FGF14: variants seen among roughly 807,000 people sequenced by gnomAD.
The protein encoded by FGF14 is fibroblast growth factor homologous factor 4.
In FGF14, 5 loss-of-function variants were observed where a neutral mutation model predicts 25.5. That is an observed-to-expected ratio of 0.20 (90% CI 0.10 to 0.41). The LOEUF (loss-of-function observed/expected upper bound fraction) is 0.41. Among genes scored for constraint, FGF14 ranks in the 10% least tolerant of loss-of-function variants. FGF14 has a pLI of 1.00. For synonymous variants in FGF14, 138 were observed against 118.3 expected (o/e 1.17, Z -1.08); for missense variants, 222 against 320.1 (o/e 0.69, Z 2.34).
At chr13:101,725,435 T>C (rs2035353076) in intron 4 of FGF14, among the ~76,000 whole-genome samples, 1 of 152,054 alleles carries the variant, frequency 6.6e-6, no homozygotes, top group Admixed American at 6.6e-5. Flanking sequence ...TGGGTTTCAA[T>C]AAATTGTTCT....
chr13:102,107,186 G>T (rs752062285), intron 1 of FGF14, among the ~76,000 whole-genome samples: 2 of 152,098 alleles, frequency 1.3e-5, no homozygotes, highest in African/African-American at 4.8e-5. Flanking sequence ...TTAAAAAAAC[G>T]AATTAAACAG....
At chr13:102,374,747 A>C (rs906369042) in intron 1 of FGF14, among the ~76,000 whole-genome samples, 2 of 140,138 alleles carry the variant, frequency 1.4e-5, no homozygotes, top group African/African-American at 5.2e-5. Context: ...ACATTCACCA[A>C]AAGGAATTAC....
chr13:101,943,338 G>A (rs951798542), intron 1 of FGF14, among the ~76,000 whole-genome samples: 6 of 152,120 alleles, frequency 3.9e-5, no homozygotes, highest in African/African-American at 7.2e-5. Flanking sequence ...AGGCATGGTC[G>A]AAAGACATGG....
intron 1 of FGF14, among the ~76,000 whole-genome samples, chr13:101,876,154 T>C (rs906322238): frequency 2.0e-5 from 3 of 152,180 alleles, no homozygotes; most frequent in Admixed American, 6.5e-5. Context: ...CATTTGATGA[T>C]TCATTGAAAA....
intron 1 of FGF14, among the ~76,000 whole-genome samples, chr13:102,036,553 C>T (rs185009102): frequency 1.3e-5 from 2 of 152,160 alleles, no homozygotes; most frequent in Admixed American, 1.3e-4. Flanking sequence ...CATATGATGT[C>T]ACTAGGGGCA....
At chr13:101,727,502 A>G (rs1282962647) in intron 3 of FGF14, among the ~76,000 whole-genome samples, 1 of 152,156 alleles carries the variant, frequency 6.6e-6, no homozygotes, top group African/African-American at 2.4e-5. Flanking sequence ...ACCACACAGC[A>G]TTTTTGGAAA....
chr13:101,879,546 AAAG>A (rs1453411050), intron 1 of FGF14, among the ~76,000 whole-genome samples: 1 of 152,212 alleles, frequency 6.6e-6, no homozygotes, highest in African/African-American at 2.4e-5. Context: ...AAGACTGGCG[AAAG>A]AAGAATCAGG....
chr13:101,741,715 A>G (rs1476952411), intron 3 of FGF14, among the ~76,000 whole-genome samples: 3 of 150,800 alleles, frequency 2.0e-5, no homozygotes, highest in Admixed American at 1.3e-4. Flanking sequence ...TTCTTGGCAC[A>G]TTTAGCTTTC....
At chr13:102,000,750 G>A (rs1176974138) in intron 1 of FGF14, among the ~76,000 whole-genome samples, 1 of 152,142 alleles carries the variant, frequency 6.6e-6, no homozygotes, top group Non-Finnish European at 1.5e-5. Flanking sequence ...TGCTCATAGT[G>A]ATCTCAGCTC....
rs547458244 is a variant in FGF14 at position 101,791,643 on chromosome 13, G to C, written c.409-64833C>G. 2.6e-5 allele frequency among the ~76,000 whole-genome samples: 4 copies of C among 152,184 alleles called. No individual in the cohort carries two copies. In the South Asian group the frequency reaches 8.3e-4, roughly 32 times the overall value. ...TGCAACTGCTAAGGCACAGCAGACT[G>C]GCAGATTTCTAAAAACCAAGATCAC... On this transcript the variant is annotated intron_variant, in intron 3 of 4. Transcript: ENST00000376143.
chr13:102,114,223 A>G (rs2045359138), intron 1 of FGF14, among the ~76,000 whole-genome samples: 1 of 152,242 alleles, frequency 6.6e-6, no homozygotes, highest in Non-Finnish European at 1.5e-5. Context: ...CTGAAGAAAT[A>G]TCGAGTTCTT....
chr13:101,969,338 C>T (rs556339599), intron 1 of FGF14, among the ~76,000 whole-genome samples: 9 of 152,084 alleles, frequency 5.9e-5, no homozygotes, highest in Middle Eastern at 3.4e-3. Context: ...CCGAGGTGGG[C>T]GGATCACAAG....
intron 1 of FGF14, among the ~76,000 whole-genome samples, chr13:102,201,074 T>C (rs987338923): frequency 2.7e-4 from 32 of 120,632 alleles, no homozygotes; most frequent in South Asian, 8.2e-4. Context: ...GCACTCCAGC[T>C]TGGGCGACAG....
At chr13:102,332,954 A>G (rs1285637450) in intron 1 of FGF14, among the ~76,000 whole-genome samples, 1 of 152,148 alleles carries the variant, frequency 6.6e-6, no homozygotes. Context: ...CTGTCCCATA[A>G]TTCTTCTAGC....
chr13:102,208,920 A>G (rs1313997824), intron 1 of FGF14, among the ~76,000 whole-genome samples: 1 of 152,232 alleles, frequency 6.6e-6, no homozygotes, highest in East Asian at 1.9e-4. Flanking sequence ...GGCTCGTTGT[A>G]TTATTTCTAC....
intron 3 of FGF14, among the ~76,000 whole-genome samples, chr13:101,746,831 C>T (rs1445561183): frequency 3.3e-5 from 5 of 151,960 alleles, no homozygotes; most frequent in Non-Finnish European, 7.4e-5. Context: ...TTAAAATTAT[C>T]ATAACGCATT....
rs547806669 is a variant in FGF14, at chr13:101,998,132, C to T, written c.209-122836G>A. On this transcript the variant is annotated intron_variant, in intron 1 of 4. Transcript: ENST00000376131. The stretch of plus-strand genomic sequence containing the variant: ...TATTCCATTTCATTCAGTCGCAATA[C>T]GCTTCTCAAAAAAAACTAAATTCAT... Among the ~76,000 whole-genome samples the T allele has an allele frequency of 1.6e-4, 24 of 151,974 alleles. No homozygotes were observed. In the South Asian group the frequency reaches 1.9e-3, roughly 12 times the overall value.
At chr13:101,967,006 A>G (rs2037251393) in intron 1 of FGF14, among the ~76,000 whole-genome samples, 1 of 152,210 alleles carries the variant, frequency 6.6e-6, no homozygotes, top group Admixed American at 6.5e-5. Flanking sequence ...ACCTAAACCA[A>G]GTTTTTTAAT....
rs1192864768 is a variant in FGF14, at chr13:102,304,093, T to A, written c.208+97378A>T. Among the ~76,000 whole-genome samples, 3 of 151,452 alleles carry A rather than the reference T, an allele frequency of 2.0e-5. No individual in the cohort carries two copies. In the East Asian group the frequency reaches 5.8e-4, roughly 29 times the overall value. ...TTGCCAAGTCACTACTGAACCCAAATCATCATCATCATCATCATCATCATA... is the reference window on the plus strand; with the variant it reads ...TTGCCAAGTCACTACTGAACCCAAAACATCATCATCATCATCATCATCATA... On this transcript the variant is annotated intron_variant, in intron 1 of 4. Transcript: ENST00000376131.
Sources: gnomAD v4.1 joint callset for allele counts (sites outside exome capture counted in the v4.1 genomes callset) on GRCh38, gnomAD v4.1.1 for gene constraint, MANE v1.5 for transcripts, NCBI Gene and HGNC (gene_info 2026-07-23, HGNC 2026-07-21) for gene names.